Variants in NARS2 observed in about 807,000 individuals in gnomAD.
NARS2 encodes the protein asparaginyl-tRNA synthetase.
NARS2 carries 60 observed loss-of-function variants against 62.9 expected under a neutral mutation model. The observed-to-expected ratio is 0.95, with a 90% CI of 0.77 to 1.18. The LOEUF (loss-of-function observed/expected upper bound fraction) is 1.18. NARS2 is among the 50% of genes most tolerant of loss of function. The pLI, the probability that NARS2 is intolerant of heterozygous loss-of-function variation, is 0.00. For synonymous variants in NARS2, 196 were observed against 200.0 expected (o/e 0.98, Z 0.17); for missense variants, 619 against 576.4 (o/e 1.07, Z -0.76).
intron 9 of NARS2, among the ~76,000 whole-genome samples, chr11:78,471,538 T>C (rs1248659905): frequency 2.0e-5 from 3 of 152,172 alleles, no homozygotes; most frequent in Admixed American, 2.0e-4. Flanking sequence ...TTCTTTTTTT[T>C]CTTTTATTAT....
At chr11:78,567,359 C>T (rs185766136) in intron 3 of NARS2, among the ~76,000 whole-genome samples, 13 of 152,174 alleles carry the variant, frequency 8.5e-5, no homozygotes, top group East Asian at 3.9e-4. Context: ...TGGAGCAGGA[C>T]GGCTCAAGAT....
intron 6 of NARS2, among the ~76,000 whole-genome samples, chr11:78,501,158 T>G (rs1051105764): frequency 6.6e-6 from 1 of 152,188 alleles, no homozygotes; most frequent in Non-Finnish European, 1.5e-5. Context: ...AATAACATAT[T>G]TTTTATGAAA....
chr11:78,561,358 G>A (rs1479227259), intron 4 of NARS2, among the ~76,000 whole-genome samples: 1 of 152,178 alleles, frequency 6.6e-6, no homozygotes, highest in African/African-American at 2.4e-5. Flanking sequence ...GTTAAGTATT[G>A]TCAGTATGTG....
intron 4 of NARS2, among the ~76,000 whole-genome samples, chr11:78,563,766 G>C (rs1856630761): frequency 7.3e-6 from 1 of 137,880 alleles, no homozygotes; most frequent in African/African-American, 2.7e-5. Flanking sequence ...AGGAGGCGGA[G>C]GTTGCAGTGA....
chr11:78,522,801 A>G (rs572473639), intron 6 of NARS2, among the ~76,000 whole-genome samples: 17 of 152,348 alleles, frequency 1.1e-4, no homozygotes, highest in African/African-American at 3.6e-4. Context: ...AGAAGTAATA[A>G]TAAGTTAGAG....
chr11:78,542,200 T>C (rs967232079), intron 5 of NARS2, among the ~76,000 whole-genome samples: 1 of 152,164 alleles, frequency 6.6e-6, no homozygotes, highest in African/African-American at 2.4e-5. Flanking sequence ...GGAAAGGAAG[T>C]TATTAAGTCA....
intron 11 of NARS2, among the ~76,000 whole-genome samples, chr11:78,445,465 A>G (rs1857725716): frequency 6.6e-6 from 1 of 152,076 alleles, no homozygotes; most frequent in Non-Finnish European, 1.5e-5. Flanking sequence ...TGCCAAAAAT[A>G]CAAAAATTAG....
At chr11:78,570,663 G>T (rs186696217) in intron 2 of NARS2, among the ~76,000 whole-genome samples, 37 of 152,316 alleles carry the variant, frequency 2.4e-4, no homozygotes, top group Admixed American at 1.8e-3. Context: ...CTACAGGCGT[G>T]AGCCACCACG....
chr11:78,558,146 T>C (rs565402746), intron 5 of NARS2: 3 of 152,330 alleles, frequency 2.0e-5, no homozygotes, highest in Non-Finnish European at 4.4e-5. Flanking sequence ...GAGAATGTTT[T>C]CCAGAATTTA....
At chr11:78,535,268 A>G (rs1284389155) in intron 5 of NARS2, among the ~76,000 whole-genome samples, 2 of 152,190 alleles carry the variant, frequency 1.3e-5, no homozygotes, top group African/African-American at 4.8e-5. Flanking sequence ...TCCAGCACCT[A>G]AGTCGTCACT....
intron 11 of NARS2, among the ~76,000 whole-genome samples, chr11:78,464,830 T>C (rs756335713): frequency 9.2e-5 from 14 of 152,216 alleles, no homozygotes; most frequent in East Asian, 3.9e-4. Context: ...AGAGTGCCGA[T>C]TGGTGTATTT....
intron 13 of NARS2, among the ~76,000 whole-genome samples, chr11:78,438,503 G>T (rs1021853881): frequency 3.3e-5 from 5 of 152,118 alleles, no homozygotes; most frequent in African/African-American, 1.2e-4. Context: ...AGTTTTAGAT[G>T]GGTCTAAATT....
chr11:78,478,726 T>A, intron 7 of NARS2, 43 bp from the exon 8 acceptor site: 3 of 1,331,804 alleles, frequency 2.3e-6, no homozygotes, highest in Non-Finnish European at 3.2e-6. Flanking sequence ...TAAGCAATTT[T>A]ACATGAAAAA....
At chr11:78,562,771 C>A (rs1204729372) in intron 4 of NARS2, among the ~76,000 whole-genome samples, 1 of 152,106 alleles carries the variant, frequency 6.6e-6, no homozygotes, top group African/African-American at 2.4e-5. Context: ...CAAGGTTATA[C>A]AAAAAATATT....
At chr11:78,555,954 G>C (rs116120552) in intron 5 of NARS2, among the ~76,000 whole-genome samples, 1,531 of 152,076 alleles carry the variant, frequency 0.01, 29 homozygotes, top group African/African-American at 0.035. Context: ...GGTTATTCAG[G>C]AGCATGTTGT....
rs10649252 is a variant in NARS2, at chr11:78,463,713, CAAAAAAAAAAAAAA to C, written c.1164+2149_1164+2162del. 1.9e-3 allele frequency among the ~76,000 whole-genome samples: 90 copies of C among 48,000 alleles called. 1 individual carries two copies. In the South Asian group the frequency reaches 0.097, roughly 52 times the overall value. The allele number at this position is 48,000 out of a possible 152,430, so 31.5% of individuals were successfully genotyped here. The stretch of plus-strand genomic sequence containing the variant: ...AAAAAAAGACAACTATAGTTAAGGT[CAAAAAAAAAAAAAA>C]AAAAAAAAAACCACAGGACAAGAAA... On this transcript the variant is annotated intron_variant, in intron 11 of 13. Coordinates refer to ENST00000281038, the MANE Select transcript of NARS2 (RefSeq NM_024678.6).
At chr11:78,572,765 A>G (rs1856976885) in intron 1 of NARS2, among the ~76,000 whole-genome samples, 1 of 152,226 alleles carries the variant, frequency 6.6e-6, no homozygotes, top group Non-Finnish European at 1.5e-5. Flanking sequence ...TAAACATAAA[A>G]ATAGATGAAA....
chr11:78,565,317 A>C (rs1347468314), intron 4 of NARS2, among the ~76,000 whole-genome samples: 2 of 152,228 alleles, frequency 1.3e-5, no homozygotes, highest in Non-Finnish European at 2.9e-5. Flanking sequence ...AGAAACAGGA[A>C]ACCAAAAACA....
chr11:78,539,935 G>A (rs1447828649), intron 5 of NARS2, among the ~76,000 whole-genome samples: 2 of 152,130 alleles, frequency 1.3e-5, no homozygotes, highest in African/African-American at 4.8e-5. Context: ...CTTCTATAGA[G>A]GGTCTTGGTA....
Sources: allele counts gnomAD v4.1 joint callset (sites outside exome capture counted in the v4.1 genomes callset), GRCh38; gene constraint gnomAD v4.1.1; transcripts MANE v1.5; gene names NCBI Gene and HGNC (gene_info 2026-07-23, HGNC 2026-07-21).